The following OSBP2 variants were observed in gnomAD, a reference collection of about 807,000 sequenced individuals.
The protein encoded by OSBP2 is oxysterol-binding protein 2.
In OSBP2, 66 loss-of-function variants were observed where a neutral mutation model predicts 96.0. The ratio of observed to expected loss-of-function variants is 0.69; its 90% CI spans 0.56 to 0.84. The LOEUF (loss-of-function observed/expected upper bound fraction) is 0.84. OSBP2 is among the 40% of genes least tolerant of loss of function. OSBP2 has a pLI of 0.00. For missense variants in OSBP2, 1,038 were observed against 1,222.7 expected (o/e 0.85, Z 2.25); for synonymous variants, 525 against 520.9 (o/e 1.01, Z -0.11).
intron 2 of OSBP2, among the ~76,000 whole-genome samples, chr22:30,796,698 G>T (rs188263445): frequency 6.6e-6 from 1 of 151,918 alleles, no homozygotes; most frequent in East Asian, 1.9e-4. Context: ...TAGAGACAGG[G>T]GGGTTCACCA....
intron 2 of OSBP2, among the ~76,000 whole-genome samples, chr22:30,793,361 G>C (rs1474020269): frequency 6.6e-6 from 1 of 152,080 alleles, no homozygotes; most frequent in Non-Finnish European, 1.5e-5. Context: ...CTGCACTCCA[G>C]CCTGGGAAAA....
At chr22:30,717,647 AG>A (rs1325567253) in intron 1 of OSBP2, among the ~76,000 whole-genome samples, 1 of 152,252 alleles carries the variant, frequency 6.6e-6, no homozygotes, top group African/African-American at 2.4e-5. Context: ...GGAAGTCAAA[AG>A]CAGATCCTTA....
intron 2 of OSBP2, among the ~76,000 whole-genome samples, chr22:30,855,718 A>C (rs1602363070): frequency 6.6e-6 from 1 of 152,162 alleles, no homozygotes; most frequent in South Asian, 2.1e-4. Flanking sequence ...GGGCAAGGAC[A>C]CCAGAAAGTT....
intron 2 of OSBP2, among the ~76,000 whole-genome samples, chr22:30,794,996 C>T (rs77278805): frequency 0.017 from 2,626 of 151,504 alleles, 40 homozygotes; most frequent in Non-Finnish European, 0.03. Flanking sequence ...CTGCAACCTC[C>T]ACCTCCCAGT....
intron 2 of OSBP2, among the ~76,000 whole-genome samples, chr22:30,832,356 T>C (rs1477508045): frequency 6.6e-6 from 1 of 151,992 alleles, no homozygotes; most frequent in Non-Finnish European, 1.5e-5. Context: ...AGTGGCATGA[T>C]CATGGCTCAC....
intron 3 of OSBP2, chr22:30,872,461 T>A: frequency 2.3e-6 from 1 of 441,946 alleles, no homozygotes; most frequent in Admixed American, 2.4e-5. Flanking sequence ...GAGGCTCATC[T>A]GTGTTTACGA....
chr22:30,762,454 AG>A (rs1569112949), intron 2 of OSBP2, among the ~76,000 whole-genome samples: 1 of 151,854 alleles, frequency 6.6e-6, no homozygotes, highest in Non-Finnish European at 1.5e-5. Flanking sequence ...AGGCTGAGGC[AG>A]GGGGTGAACC....
chr22:30,866,870 A>G (rs1182349188), intron 2 of OSBP2, among the ~76,000 whole-genome samples: 1 of 152,218 alleles, frequency 6.6e-6, no homozygotes, highest in Non-Finnish European at 1.5e-5. Context: ...CTGAACTGAG[A>G]CTTCTGGACT....
intron 2 of OSBP2, among the ~76,000 whole-genome samples, chr22:30,797,920 C>G (rs376364528): frequency 6.6e-6 from 1 of 152,152 alleles, no homozygotes; most frequent in Non-Finnish European, 1.5e-5. Context: ...TTGGTGTACA[C>G]GTATCTCTTT....
In OSBP2 at chr22:30,730,947, G is replaced by A. The variant is rs1260153077; in HGVS notation, c.645-10214G>A. Among the ~76,000 whole-genome samples the A allele has an allele frequency of 5.3e-5, 8 of 150,410 alleles. No homozygotes were observed. In the East Asian group the frequency reaches 1.4e-3, roughly 26 times the overall value. On this transcript the variant is annotated intron_variant, in intron 1 of 13. Coordinates refer to ENST00000332585, the MANE Select transcript of OSBP2 (RefSeq NM_030758.4). ...CCCAGCACTTTGGGTGGCCGAGGCA[G>A]GTGGATCACGAGGTCAGGAGATCGA... is the stretch of plus-strand genomic sequence containing the variant.
intron 2 of OSBP2, among the ~76,000 whole-genome samples, chr22:30,819,715 TA>T (rs992878358): frequency 6.6e-6 from 1 of 151,390 alleles, no homozygotes; most frequent in Non-Finnish European, 1.5e-5. Context: ...CATGATTTTT[TA>T]AAATTATTTT....
chr22:30,889,198 C>T lies in OSBP2; in HGVS notation c.1440C>T (p.Thr480=), dbSNP rs376025235. 24 of 1,613,280 alleles carry T rather than the reference C, an allele frequency of 1.5e-5. No homozygotes were observed. Among genetic ancestry groups the T allele is most frequent in the African/African-American group, 1.1e-4 (8 of 74,860 alleles). The stretch of plus-strand genomic sequence containing the variant: ...CCAGCAGAAAAGCTGAAGGTAGCAC[C>T]GGGACAAGTTCCGTGGACTGGAGCT... ...KEDSRKAEGS[T]GTSSVDWSSA... Residue 480 remains threonine, a synonymous_variant, in exon 6 of 14, where the codon ACC becomes ACT. Transcript: ENST00000332585.
Position 30,870,641 on chromosome 22 carries a change from C to A in OSBP2, c.1066C>A (p.Arg356=). 6.2e-7 allele frequency: 1 copy of A among 1,613,886 alleles called. No homozygotes were observed. Residue 356 remains arginine, a synonymous_variant, in exon 3 of 14, where the codon CGG becomes AGG. Transcript: ENST00000332585. This position sits in a 1 kb window ranked among gnomAD's most constrained non-coding sequence, Gnocchi z 4.1. ...SGEKLKVVNE[R]ATLFRITSNA... The stretch of plus-strand genomic sequence containing the variant: ...GGAGAAGCTGAAGGTGGTGAATGAG[C>A]GGGCCACCCTCTTCCGCATCACATC...
chr22:30,857,221 A>T (rs1465274250), intron 2 of OSBP2, among the ~76,000 whole-genome samples: 10 of 152,142 alleles, frequency 6.6e-5, no homozygotes, highest in Non-Finnish European at 7.4e-5. Context: ...TGGGTGCAGG[A>T]GGTGGGATGA....
intron 2 of OSBP2, among the ~76,000 whole-genome samples, chr22:30,755,507 G>A (rs1245427303): frequency 1.3e-5 from 2 of 152,186 alleles, no homozygotes; most frequent in African/African-American, 2.4e-5. Context: ...CCCCAGGACC[G>A]TGTGATTGGT....
At chr22:30,840,715 A>C (rs2038735125) in intron 2 of OSBP2, among the ~76,000 whole-genome samples, 1 of 152,148 alleles carries the variant, frequency 6.6e-6, no homozygotes, top group Middle Eastern at 3.4e-3. Context: ...AATCTTACCT[A>C]TTTGTTCCTT....
intron 2 of OSBP2, among the ~76,000 whole-genome samples, chr22:30,781,798 T>G (rs976742659): frequency 6.6e-6 from 1 of 152,124 alleles, no homozygotes; most frequent in African/African-American, 2.4e-5. Context: ...ATGTGGGAAA[T>G]GTAGAGTTTC....
rs143678485 is a variant in OSBP2 at position 30,721,462 on chromosome 22, G to A, written c.645-19699G>A. Among the ~76,000 whole-genome samples, 300 of 152,298 alleles carry A rather than the reference G, an allele frequency of 2.0e-3. 1 individual carries two copies. The highest frequency in any genetic ancestry group is 6.7e-3 in the African/African-American group (278 of 41,584). ...ATGCTGCGCTGACTGAATGAAGGAC[G>A]AGTGTGCAGAGCAGGGGTGAAGGTG... On this transcript the variant is annotated intron_variant, in intron 1 of 13. Coordinates refer to ENST00000332585, the MANE Select transcript of OSBP2 (RefSeq NM_030758.4).
chr22:30,899,224 A>G (rs1039073846), intron 12 of OSBP2, among the ~76,000 whole-genome samples: 10 of 151,904 alleles, frequency 6.6e-5, no homozygotes, highest in Non-Finnish European at 1.3e-4. Flanking sequence ...ACAAAAAAAA[A>G]ATTTTTTTAA....
Sources: gnomAD v4.1 joint callset for allele counts (sites outside exome capture counted in the v4.1 genomes callset) on GRCh38, gnomAD v4.1.1 for gene constraint, Gnocchi (gnomAD v3.1) non-coding constraint, MANE v1.5 for transcripts, NCBI Gene and HGNC (gene_info 2026-07-23, HGNC 2026-07-21) for gene names.